Variants in TADA2A observed in about 807,000 individuals in gnomAD.
The protein encoded by TADA2A is transcriptional adapter 2-alpha.
In TADA2A, 38 loss-of-function variants were observed where a neutral mutation model predicts 67.4. The ratio of observed to expected loss-of-function variants is 0.56; its 90% CI spans 0.44 to 0.74. The LOEUF is 0.74. Among genes scored for constraint, TADA2A ranks in the 30% least tolerant of loss-of-function variants. TADA2A has a pLI of 0.00. For synonymous variants in TADA2A, 192 were observed against 181.6 expected (o/e 1.06, Z -0.46); for missense variants, 454 against 547.0 (o/e 0.83, Z 1.70).
chr17:37,428,980 A>T (rs1179610736), intron 4 of TADA2A, among the ~76,000 whole-genome samples: 1 of 149,186 alleles, frequency 6.7e-6, no homozygotes, highest in Non-Finnish European at 1.5e-5. Context: ...CGGGAGGCAG[A>T]GCTTGTATTG....
chr17:37,439,867 G>A (rs2052844813), intron 5 of TADA2A, among the ~76,000 whole-genome samples: 1 of 151,170 alleles, frequency 6.6e-6, no homozygotes, highest in African/African-American at 2.4e-5. Flanking sequence ...ATTTCTGTAG[G>A]GCCTAGCTCA....
At chr17:37,461,971 T>C in intron 9 of TADA2A, 107 bp from the exon 10 acceptor site, 1 of 894,328 alleles carries the variant, frequency 1.1e-6, no homozygotes, top group African/African-American at 1.7e-5. Flanking sequence ...ACCTCTGTAT[T>C]GTATTCCACC....
In TADA2A at chr17:37,462,061, G is replaced by T. The variant is rs780778256; in HGVS notation, c.669-17G>T. 4.5e-6 allele frequency: 7 copies of T among 1,554,570 alleles called. No homozygotes were observed. The African/African-American group carries it at 9.6e-5, about 21-fold the overall frequency. On this transcript the variant is annotated splice_polypyrimidine_tract_variant and intron_variant, in intron 9 of 15. Coordinates refer to ENST00000615182, the MANE Select transcript of TADA2A (RefSeq NM_001166105.3). ...AAATAATTCTAATGCACAAATTATT[G>T]TGGCTTTTCATTCTAGAATTATAAG...
chr17:37,466,690 C>A (rs539524855), intron 11 of TADA2A, among the ~76,000 whole-genome samples: 1 of 152,290 alleles, frequency 6.6e-6, no homozygotes, highest in Non-Finnish European at 1.5e-5. Flanking sequence ...TGATCCTTTA[C>A]TTCCTGTCCC....
chr17:37,427,993 GAC>G (rs1368779271), intron 4 of TADA2A, among the ~76,000 whole-genome samples: 1 of 151,326 alleles, frequency 6.6e-6, no homozygotes, highest in African/African-American at 2.4e-5. Flanking sequence ...AAAAAAAAAA[GAC>G]AGTTTTGTCA....
At chr17:37,442,734 C>G in intron 7 of TADA2A, 82 bp downstream of exon 7, 2 of 1,297,160 alleles carry the variant, frequency 1.5e-6, no homozygotes, top group Non-Finnish European at 2.2e-6. Flanking sequence ...CCATAGATTC[C>G]ATACCACTAA....
At chr17:37,470,615 C>CA in intron 13 of TADA2A, 83 bp downstream of exon 13, 1 of 1,368,850 alleles carries the variant, frequency 7.3e-7, no homozygotes, top group Non-Finnish European at 9.7e-7. Context: ...CCCTAGATGG[C>CA]AGAGTAATAA....
intron 4 of TADA2A, among the ~76,000 whole-genome samples, chr17:37,431,946 C>G (rs1203343692): frequency 1.3e-5 from 2 of 152,126 alleles, no homozygotes; most frequent in African/African-American, 4.8e-5. Flanking sequence ...TTCATTAGGT[C>G]TCTACGTAAT....
chr17:37,412,190 G>C (rs1014695310), intron 2 of TADA2A, among the ~76,000 whole-genome samples: 1 of 146,668 alleles, frequency 6.8e-6, no homozygotes, highest in Non-Finnish European at 1.5e-5. Context: ...CAGCTTGGGC[G>C]ACAGAGTGAG....
At chr17:37,422,481 G>GATGATGATGATGATGATTATT (rs1296355161) in intron 2 of TADA2A, among the ~76,000 whole-genome samples, 1 of 136,988 alleles carries the variant, frequency 7.3e-6, no homozygotes, top group African/African-American at 2.7e-5. Flanking sequence ...ATGCCCAGCT[G>GATGATGATGATGATGATTATT]ATTATTATTA....
At chr17:37,411,592 T>A (rs898672673) in intron 2 of TADA2A, among the ~76,000 whole-genome samples, 4 of 151,930 alleles carry the variant, frequency 2.6e-5, no homozygotes, top group African/African-American at 9.7e-5. Context: ...ACAGCTAATT[T>A]TTTTTATTTT....
At chr17:37,457,202 A>G (rs1262656538) in intron 8 of TADA2A, among the ~76,000 whole-genome samples, 2 of 114,520 alleles carry the variant, frequency 1.7e-5, no homozygotes, top group Non-Finnish European at 3.4e-5. Context: ...TTTTTTTGAG[A>G]CGGAGTCTTG....
At chr17:37,448,597 C>T (rs2053147157) in intron 8 of TADA2A, among the ~76,000 whole-genome samples, 1 of 152,124 alleles carries the variant, frequency 6.6e-6, no homozygotes, top group Admixed American at 6.6e-5. Context: ...TTCCCCATCT[C>T]CTTTCATTTG....
At chr17:37,437,275 T>A (rs1361006697) in intron 4 of TADA2A, among the ~76,000 whole-genome samples, 1 of 151,250 alleles carries the variant, frequency 6.6e-6, no homozygotes, top group African/African-American at 2.4e-5. Context: ...ATATTTTTAG[T>A]AGAGACGGGG....
In TADA2A at chr17:37,476,850, T is replaced by C; in HGVS notation, c.1200T>C (p.Ala400=). ...GAGCCTATTTAGAATACAAATCTGC[T>C]CTATTGAACGAATGTAACAAGCAAG... ...VPGAYLEYKS[A]LLNECNKQGG... The change falls in exon 16 of 16, where the codon GCT becomes GCC. Residue 400 remains alanine (A), a synonymous_variant. Coordinates refer to ENST00000615182, the MANE Select transcript of TADA2A (RefSeq NM_001166105.3). 1 of 1,614,150 alleles carries C rather than the reference T, an allele frequency of 6.2e-7. No individual in the cohort carries two copies. Among genetic ancestry groups the C allele is most frequent in the Non-Finnish European group, 8.5e-7 (1 of 1,179,996 alleles).
Position 37,459,313 on chromosome 17 carries a change from C to T in TADA2A, c.668+726C>T, listed in dbSNP as rs2053487223. Among the ~76,000 whole-genome samples the T allele has an allele frequency of 2.0e-5, 3 of 147,876 alleles. No individual in the cohort carries two copies. The South Asian group carries it at 6.4e-4, about 32-fold the overall frequency. ...TCTTTTTTTTTTTGAGATGGAGTCT[C>T]GTTCTGTCACCCAGGATGGAGTGCA... On this transcript the variant is annotated intron_variant, in intron 9 of 15. Coordinates refer to ENST00000615182, the MANE Select transcript of TADA2A (RefSeq NM_001166105.3).
rs964845027 is a variant in TADA2A at position 37,449,145 on chromosome 17, C to G, written c.604+4377C>G. On this transcript the variant is annotated intron_variant, in intron 8 of 15. Transcript: ENST00000615182. ...ACGCCATTCTCCTGCCTCAGCCTCC[C>G]GAGTAGCTGGGACTACAGGCACCCG... Among the ~76,000 whole-genome samples, 73 of 152,150 alleles carry G rather than the reference C, an allele frequency of 4.8e-4. No individual in the cohort carries two copies. The East Asian group carries it at 0.014, about 29-fold the overall frequency.
chr17:37,443,314 C>A (rs1482125120), intron 7 of TADA2A, among the ~76,000 whole-genome samples: 1 of 151,144 alleles, frequency 6.6e-6, no homozygotes, highest in African/African-American at 2.4e-5. Flanking sequence ...AGTGCAATGG[C>A]ATGGTCTTGG....
intron 8 of TADA2A, 21 bp from the exon 9 acceptor site, chr17:37,458,503 T>C: frequency 6.4e-7 from 1 of 1,573,884 alleles, no homozygotes. Context: ...ATATATAGTA[T>C]ATGTATGAAT....
Sources: gnomAD v4.1 joint callset for allele counts (sites outside exome capture counted in the v4.1 genomes callset) on GRCh38, gnomAD v4.1.1 for gene constraint, MANE v1.5 for transcripts, NCBI Gene and HGNC (gene_info 2026-07-23, HGNC 2026-07-21) for gene names.